Variants in UBE2H observed in about 807,000 individuals in gnomAD.
UBE2H encodes the protein ubiquitin conjugating enzyme E2 H, also known as ubiquitin-conjugating enzyme E2 H.
Under a neutral mutation model 29.0 loss-of-function variants are expected in UBE2H, and 3 were observed. The observed-to-expected ratio is 0.10, with a 90% CI of 0.05 to 0.27. UBE2H has a LOEUF of 0.27. Among genes scored for constraint, UBE2H ranks in the 10% least tolerant of loss-of-function variants. The pLI, the probability that UBE2H is intolerant of heterozygous loss-of-function variation, is 1.00. For missense variants in UBE2H, 68 were observed against 228.2 expected (o/e 0.30, Z 4.52); for synonymous variants, 69 against 82.9 (o/e 0.83, Z 0.91).
chr7:129,912,545 T>C (rs886898083), intron 1 of UBE2H, among the ~76,000 whole-genome samples: 3 of 152,150 alleles, frequency 2.0e-5, no homozygotes, highest in African/African-American at 4.8e-5. Context: ...CTTATACACA[T>C]AGTCTGAAGG....
chr7:129,903,718 G>A (rs1186443997), intron 1 of UBE2H, among the ~76,000 whole-genome samples: 1 of 152,160 alleles, frequency 6.6e-6, no homozygotes, highest in African/African-American at 2.4e-5. Flanking sequence ...ACGCAACAAA[G>A]CAAGACGCCA....
At chr7:129,883,825 G>C (rs1186365066) in intron 1 of UBE2H, among the ~76,000 whole-genome samples, 2 of 152,346 alleles carry the variant, frequency 1.3e-5, no homozygotes, top group Admixed American at 6.5e-5. Flanking sequence ...CTGGGCAACA[G>C]AGTGAGACTC....
intron 5 of UBE2H, among the ~76,000 whole-genome samples, chr7:129,854,680 T>C (rs1805673796): frequency 6.6e-6 from 1 of 152,218 alleles, no homozygotes; most frequent in African/African-American, 2.4e-5. Context: ...CTCAAATAGT[T>C]AAACATATTA....
intron 5 of UBE2H, among the ~76,000 whole-genome samples, chr7:129,848,715 A>G (rs1217555151): frequency 2.0e-5 from 3 of 152,232 alleles, no homozygotes; most frequent in Non-Finnish European, 4.4e-5. Flanking sequence ...ATGAACTGCC[A>G]CGCAAGTCAT....
In UBE2H at chr7:129,925,012, C is replaced by T. The variant is rs1301174696; in HGVS notation, c.53+27491G>A. On this transcript the variant is annotated intron_variant, in intron 1 of 6. Coordinates refer to ENST00000355621, the MANE Select transcript of UBE2H (RefSeq NM_003344.4). ...ATGCTCAAGGTAAGTAATTTTATCA[C>T]ATAAGCCCAGTCCCCCAGCAAAGCA... Among the ~76,000 whole-genome samples, 7 of 151,938 alleles carry T rather than the reference C, an allele frequency of 4.6e-5. No individual in the cohort carries two copies. The East Asian group carries it at 1.3e-3, about 29-fold the overall frequency.
At chr7:129,883,321 C>T (rs1806291457) in intron 1 of UBE2H, among the ~76,000 whole-genome samples, 2 of 152,260 alleles carry the variant, frequency 1.3e-5, no homozygotes, top group South Asian at 2.1e-4. Context: ...CTTTGAAAAA[C>T]TGTTGGCAGT....
Position 129,952,786 on chromosome 7 carries a change from G to C in UBE2H, c.-231C>G. ...CGCCCGGCTCGGGCTGCCCCTCTCC[G>C]GCTGTGGTTCCGCCGCGGCCCTGCC... On this transcript the variant is annotated 5_prime_UTR_variant, in exon 1 of 7. Coordinates refer to ENST00000355621, the MANE Select transcript of UBE2H (RefSeq NM_003344.4). The C allele has an allele frequency of 3.0e-6, 1 of 337,620 alleles. No individual in the cohort carries two copies. Among genetic ancestry groups the C allele is most frequent in the Non-Finnish European group, 5.2e-6 (1 of 190,556 alleles). 20.9% of individuals were successfully genotyped at this position (337,620 alleles called of 1,614,324 possible).
At chr7:129,891,095 C>T (rs914454382) in intron 1 of UBE2H, among the ~76,000 whole-genome samples, 76 of 151,752 alleles carry the variant, frequency 5.0e-4, no homozygotes, top group South Asian at 1.2e-3. Flanking sequence ...GAGATTGTGC[C>T]ACTGCCCTCC....
chr7:129,880,858 C>T, intron 2 of UBE2H, 37 bp downstream of exon 2: 1 of 1,554,974 alleles, frequency 6.4e-7, no homozygotes. Context: ...GAGTAAAAGA[C>T]TGTAATAGAA....
chr7:129,860,281 A>C (rs1324398470), intron 3 of UBE2H, among the ~76,000 whole-genome samples: 2 of 152,216 alleles, frequency 1.3e-5, no homozygotes, highest in African/African-American at 4.8e-5. Flanking sequence ...GAAACAGCAT[A>C]ATGTTCTATC....
rs146499165 is a variant in UBE2H at position 129,845,805 on chromosome 7, G to A, written c.299-6470C>T. Among the ~76,000 whole-genome samples, 58 of 152,324 alleles carry A rather than the reference G, an allele frequency of 3.8e-4. No individual in the cohort carries two copies. In the East Asian group the frequency reaches 0.01, roughly 26 times the overall value. On this transcript the variant is annotated intron_variant, in intron 5 of 6. Transcript: ENST00000355621. ...TGCCTTGCTCTTTGACCTTGGGCAG[G>A]TCTCTTCCTTTCTACATCTCAATTT...
chr7:129,895,394 A>G (rs1156545109), intron 1 of UBE2H, among the ~76,000 whole-genome samples: 1 of 152,166 alleles, frequency 6.6e-6, no homozygotes. Flanking sequence ...CTACCTAATC[A>G]CAGGAGGCTG....
At chr7:129,931,139 AC>A (rs1260422103) in intron 1 of UBE2H, among the ~76,000 whole-genome samples, 3 of 151,524 alleles carry the variant, frequency 2.0e-5, no homozygotes, top group Non-Finnish European at 4.4e-5. Context: ...AATCGCTTGA[AC>A]CCAGGAGGCA....
At chr7:129,849,960 G>A (rs1163000686) in intron 5 of UBE2H, among the ~76,000 whole-genome samples, 1 of 152,078 alleles carries the variant, frequency 6.6e-6, no homozygotes, top group Non-Finnish European at 1.5e-5. Flanking sequence ...TAATGAAGAG[G>A]GCCATGCAGG....
In UBE2H at chr7:129,920,793, G is replaced by A. The variant is rs191298912; in HGVS notation, c.53+31710C>T. The stretch of plus-strand genomic sequence containing the variant: ...TTTTATTCCACATATTTGTTGTGGT[G>A]CTTAAAATATTTTGTCATTGAAAAC... On this transcript the variant is annotated intron_variant, in intron 1 of 6. Transcript: ENST00000355621. 5.0e-5 allele frequency among the ~76,000 whole-genome samples: 7 copies of A among 141,112 alleles called. No homozygotes were observed. In the Admixed American group the frequency reaches 5.3e-4, roughly 11 times the overall value. 92.6% of individuals were successfully genotyped at this position (141,112 alleles called of 152,430 possible). A position where few individuals can be genotyped will look rare whatever the true frequency, so the allele number is the denominator to read the frequency against.
intron 1 of UBE2H, among the ~76,000 whole-genome samples, chr7:129,906,198 AT>A (rs113903854): frequency 8.8e-5 from 13 of 147,114 alleles, no homozygotes; most frequent in East Asian, 2.0e-4. Flanking sequence ...GAGTAAAGCC[AT>A]TTTTTTTTCT....
chr7:129,918,750 TA>T (rs1807094247), intron 1 of UBE2H, among the ~76,000 whole-genome samples: 1 of 152,140 alleles, frequency 6.6e-6, no homozygotes, highest in East Asian at 1.9e-4. Context: ...CTATACAATG[TA>T]GACCCTTTCT....
intron 1 of UBE2H, among the ~76,000 whole-genome samples, chr7:129,913,144 C>T (rs1462497953): frequency 6.6e-6 from 1 of 150,622 alleles, no homozygotes; most frequent in Non-Finnish European, 1.5e-5. Context: ...CCCAGCTACT[C>T]GGGAGGCTGA....
intron 1 of UBE2H, among the ~76,000 whole-genome samples, chr7:129,914,848 T>C (rs1215584091): frequency 6.6e-6 from 1 of 152,178 alleles, no homozygotes; most frequent in Non-Finnish European, 1.5e-5. Context: ...GATAGGGGCC[T>C]AAGGTTTCAT....
Sources: gnomAD v4.1 joint callset for allele counts (sites outside exome capture counted in the v4.1 genomes callset) on GRCh38, gnomAD v4.1.1 for gene constraint, MANE v1.5 for transcripts, NCBI Gene and HGNC (gene_info 2026-07-23, HGNC 2026-07-21) for gene names.